The following ZFPM2 variants were observed in gnomAD, a reference collection of about 807,000 sequenced individuals.
The protein encoded by ZFPM2 is zinc finger protein ZFPM2.
A neutral mutation model predicts 98.6 loss-of-function variants in ZFPM2; 20 were observed. The ratio of observed to expected loss-of-function variants is 0.20; its 90% CI spans 0.14 to 0.29. The LOEUF (loss-of-function observed/expected upper bound fraction) is 0.29, where lower values mean the gene tolerates loss of function less well. ZFPM2 is among the 10% of genes least tolerant of loss of function. The pLI is 1.00. For missense variants in ZFPM2, 1,310 were observed against 1,388.6 expected, an observed-to-expected ratio of 0.94 and a Z score of 0.90; for synonymous variants, 518 against 502.7, an observed-to-expected ratio of 1.03 and a Z score of -0.41.
intron 5 of ZFPM2, among the ~76,000 whole-genome samples, chr8:105,713,448 A>G (rs1053569697): frequency 1.3e-5 from 2 of 152,192 alleles, no homozygotes; most frequent in Middle Eastern, 6.8e-3. Flanking sequence ...TAATTTGCAG[A>G]TACTTTCTTC....
In ZFPM2 at chr8:105,801,847, G is replaced by C; in HGVS notation, c.1765G>C (p.Glu589Gln). 1.2e-6 allele frequency: 2 copies of C among 1,613,974 alleles called. No individual in the cohort carries two copies. Among genetic ancestry groups the C allele is most frequent in the Non-Finnish European group, 8.5e-7 (1 of 1,179,878 alleles). The change falls in exon 8 of 8, where the codon GAA becomes CAA. Residue 589 changes from glutamate to glutamine, a missense_variant. Transcript: ENST00000407775. ...GTCCCCAGAGTTCCCTAGTGTGTCA[G>C]AAAAGATGCCTGAAGCTTTGAGTCC... ...AKSPEFPSVS[E>Q]KMPEALSPNT... is the part of the protein sequence containing the mutation.
intron 5 of ZFPM2, among the ~76,000 whole-genome samples, chr8:105,752,895 A>G (rs533718969): frequency 1.9e-4 from 29 of 152,272 alleles, no homozygotes; most frequent in African/African-American, 7.0e-4. Flanking sequence ...CAGTTTGTAC[A>G]AGGTTTTCAA....
intron 3 of ZFPM2, 46 bp from the exon 4 acceptor site, chr8:105,561,316 TA>T: frequency 6.8e-7 from 1 of 1,467,288 alleles, no homozygotes; most frequent in African/African-American, 1.4e-5. Flanking sequence ...TGGCTGCTGA[TA>T]AAGTACAAGT....
chr8:105,464,949 TAA>T (rs77152118), intron 3 of ZFPM2, among the ~76,000 whole-genome samples: 17 of 125,550 alleles, frequency 1.4e-4, no homozygotes, highest in Non-Finnish European at 1.9e-4. Flanking sequence ...TTGAAAATGC[TAA>T]AAAAAAAAAA....
intron 4 of ZFPM2, among the ~76,000 whole-genome samples, chr8:105,600,182 A>C (rs1248707120): frequency 6.6e-6 from 1 of 152,148 alleles, no homozygotes; most frequent in Non-Finnish European, 1.5e-5. Flanking sequence ...TACAGTGTGA[A>C]GACAGATGTT....
At chr8:105,375,681 G>A (rs1810712275) in intron 1 of ZFPM2, among the ~76,000 whole-genome samples, 1 of 151,982 alleles carries the variant, frequency 6.6e-6, no homozygotes, top group Non-Finnish European at 1.5e-5. Flanking sequence ...AGATGTTGTG[G>A]GCTTAACTAT....
At chr8:105,724,267 C>CT in intron 5 of ZFPM2, among the ~76,000 whole-genome samples, 1 of 151,980 alleles carries the variant, frequency 6.6e-6, no homozygotes, top group African/African-American at 2.4e-5. Flanking sequence ...ATTTCCTTTT[C>CT]TTTTTTACAA....
Position 105,802,223 on chromosome 8 carries a change from A to ACGACC in ZFPM2, c.2143_2147dup (p.Pro717ThrfsTer4), listed in dbSNP as rs1420132376. ...AAACAGTATTACTGTGCTACACGCC[A>ACGACC]CGACCCTCCACTGAAGAGGTCTGCT... On this transcript the variant is annotated frameshift_variant, in exon 8 of 8. Transcript: ENST00000407775. LOFTEE classifies it high-confidence loss of function. 1 of 1,613,830 alleles carries ACGACC rather than the reference A, an allele frequency of 6.2e-7. No homozygotes were observed. The highest frequency in any genetic ancestry group is 2.2e-5 in the East Asian group (1 of 44,854).
rs1035128924 is a variant in ZFPM2, at chr8:105,549,943, C to T, written c.302-11420C>T. On this transcript the variant is annotated intron_variant, in intron 3 of 7. Transcript: ENST00000407775. Reference sequence around the variant, plus strand: ...TGTATCATTTCTTAGGCTAGTAATGCATAATATGTCATTTAGTGCTTATTC... The same window carrying T: ...TGTATCATTTCTTAGGCTAGTAATGTATAATATGTCATTTAGTGCTTATTC... Among the ~76,000 whole-genome samples the T allele has an allele frequency of 3.9e-5, 3 of 76,282 alleles. No individual in the cohort carries two copies. The African/African-American group carries it at 4.6e-4, about 12-fold the overall frequency. 50.0% of individuals were successfully genotyped at this position (76,282 alleles called of 152,430 possible).
At position 105,648,563 on chromosome 8, in the gene ZFPM2, A is replaced by C. The variant is rs183845381; in HGVS notation, c.532+14206A>C. On this transcript the variant is annotated intron_variant, in intron 5 of 7. Coordinates refer to ENST00000407775, the MANE Select transcript of ZFPM2 (RefSeq NM_012082.4). ...TTGAATTAATTTTTATGTAAGGTGTAAGGAAAGGATCCAGTTTCAGCTTTC... is the reference window on the plus strand; with the variant it reads ...TTGAATTAATTTTTATGTAAGGTGTCAGGAAAGGATCCAGTTTCAGCTTTC... Among the ~76,000 whole-genome samples the C allele has an allele frequency of 2.6e-3, 392 of 152,310 alleles. 2 individuals carry two copies. Among genetic ancestry groups the C allele is most frequent in the African/African-American group, 8.9e-3 (369 of 41,572 alleles).
At chr8:105,339,212 A>C (rs1203557097) in intron 1 of ZFPM2, among the ~76,000 whole-genome samples, 1 of 151,886 alleles carries the variant, frequency 6.6e-6, no homozygotes, top group Admixed American at 6.6e-5. Context: ...GACACCGAAC[A>C]ATAGAACTGC....
Position 105,346,371 on chromosome 8 carries a change from C to T in ZFPM2, c.40+27390C>T, listed in dbSNP as rs532748331. On this transcript the variant is annotated intron_variant, in intron 1 of 7. Coordinates refer to ENST00000407775, the MANE Select transcript of ZFPM2 (RefSeq NM_012082.4). Reference sequence around the variant, plus strand: ...TGCACTCCAGCCTGGGCAATAAGAGCGAAACTCCATCTCAAAAAAAAAAAA... The same window carrying T: ...TGCACTCCAGCCTGGGCAATAAGAGTGAAACTCCATCTCAAAAAAAAAAAA... Among the ~76,000 whole-genome samples, 13 of 148,070 alleles carry T rather than the reference C, an allele frequency of 8.8e-5. No individual in the cohort carries two copies. In the East Asian group the frequency reaches 1.4e-3, roughly 16 times the overall value.
intron 1 of ZFPM2, among the ~76,000 whole-genome samples, chr8:105,339,325 A>G (rs1586301591): frequency 6.6e-6 from 1 of 151,902 alleles, no homozygotes; most frequent in Middle Eastern, 3.4e-3. Context: ...AAAAACACCA[A>G]TAGCATGAAA....
chr8:105,460,948 C>G (rs956074102), intron 3 of ZFPM2, among the ~76,000 whole-genome samples: 1 of 151,820 alleles, frequency 6.6e-6, no homozygotes, highest in Non-Finnish European at 1.5e-5. Flanking sequence ...ATATCTTTGA[C>G]ATATTGGTGT....
chr8:105,693,938 A>G (rs1046019181), intron 5 of ZFPM2, among the ~76,000 whole-genome samples: 5 of 151,220 alleles, frequency 3.3e-5, no homozygotes, highest in African/African-American at 1.2e-4. Context: ...TTTGAAATAT[A>G]CAATATATTA....
chr8:105,801,881 G>A lies in ZFPM2; in HGVS notation c.1799G>A (p.Gly600Asp). 1.2e-6 allele frequency: 2 copies of A among 1,613,914 alleles called. No individual in the cohort carries two copies. The part of the protein sequence containing the change: ...KMPEALSPNT[G>D]QTSINLLNPA... The stretch of plus-strand genomic sequence containing the variant: ...CCTGAAGCTTTGAGTCCCAACACTG[G>A]CCAAACCTCCATAAACCTTCTCAAC... The change falls in exon 8 of 8, where the codon GGC becomes GAC. Residue 600 changes from glycine to aspartate, a missense_variant. Gly to Asp is a moderately conservative substitution (Grantham distance 94, BLOSUM62 -1). Coordinates refer to ENST00000407775, the MANE Select transcript of ZFPM2 (RefSeq NM_012082.4).
chr8:105,321,197 G>A (rs578185198), intron 1 of ZFPM2, among the ~76,000 whole-genome samples: 75 of 152,150 alleles, frequency 4.9e-4, no homozygotes, highest in Non-Finnish European at 9.7e-4. Flanking sequence ...ATCTATTGAC[G>A]TTTGTCTCCT....
At chr8:105,422,820 C>T (rs1363029888) in intron 2 of ZFPM2, among the ~76,000 whole-genome samples, 1 of 152,078 alleles carries the variant, frequency 6.6e-6, no homozygotes, top group Non-Finnish European at 1.5e-5. Context: ...CATATTTTAG[C>T]AACTGCATTT....
intron 3 of ZFPM2, among the ~76,000 whole-genome samples, chr8:105,504,496 C>T (rs1336426291): frequency 1.3e-5 from 2 of 152,138 alleles, no homozygotes; most frequent in African/African-American, 4.8e-5. Flanking sequence ...CAACAGCCTT[C>T]TTAAATTGGA....
Sources: gnomAD v4.1 joint callset for allele counts (sites outside exome capture counted in the v4.1 genomes callset) on GRCh38, gnomAD v4.1.1 for gene constraint, MANE v1.5 for transcripts, NCBI Gene and HGNC (gene_info 2026-07-23, HGNC 2026-07-21) for gene names.